The following KIF3B variants were observed in gnomAD, a reference collection of about 807,000 sequenced individuals.
The protein encoded by KIF3B is kinesin-like protein KIF3B.
In KIF3B, 38 loss-of-function variants were observed where a neutral mutation model predicts 74.3. The observed-to-expected ratio is 0.51, with a 90% CI of 0.39 to 0.67. The LOEUF (loss-of-function observed/expected upper bound fraction) is 0.67. Ranked by LOEUF, KIF3B falls within the 30% of genes least tolerant of loss-of-function variation. KIF3B has a pLI of 0.00. For missense variants in KIF3B, 649 were observed against 932.0 expected (o/e 0.70, Z 3.95); for synonymous variants, 326 against 342.5 (o/e 0.95, Z 0.53).
chr20:32,316,721 G>A, intron 4 of KIF3B, 35 bp from the exon 5 acceptor site: 2 of 1,613,522 alleles, frequency 1.2e-6, no homozygotes, highest in Non-Finnish European at 1.7e-6. Context: ...CCTTTGGACA[G>A]ACACCCTCCT....
chr20:32,282,249 G>A (rs1427648850), intron 1 of KIF3B, among the ~76,000 whole-genome samples: 2 of 152,056 alleles, frequency 1.3e-5, no homozygotes, highest in African/African-American at 2.4e-5. Context: ...GATGTGTTTC[G>A]GAGGTAGAAC....
At chr20:32,324,370 G>T (rs2047892481) in intron 5 of KIF3B, among the ~76,000 whole-genome samples, 1 of 152,146 alleles carries the variant, frequency 6.6e-6, no homozygotes, top group Non-Finnish European at 1.5e-5. Flanking sequence ...TACCTGAAGG[G>T]ATTGTTAAAC....
intron 1 of KIF3B, among the ~76,000 whole-genome samples, chr20:32,287,657 T>C (rs545257548): frequency 6.6e-6 from 1 of 152,260 alleles, no homozygotes; most frequent in South Asian, 2.1e-4. Flanking sequence ...TACATGTTAG[T>C]AGTTTAGTAG....
chr20:32,299,177 G>T (rs997554164), intron 1 of KIF3B, among the ~76,000 whole-genome samples: 34 of 151,604 alleles, frequency 2.2e-4, no homozygotes, highest in Admixed American at 1.8e-3. Flanking sequence ...AGTCCATATT[G>T]TCTCTATTGC....
In KIF3B at chr20:32,277,712, G is replaced by C. The variant is rs1479622359; in HGVS notation, c.-119G>C. On this transcript the variant is annotated 5_prime_UTR_variant, in exon 1 of 9. Coordinates refer to ENST00000375712, the MANE Select transcript of KIF3B (RefSeq NM_004798.4). ...GAGCCAGGGGTTCGCCGCCCCCGCC[G>C]CCGCCGCCGCCGCCGCCGCCGCCGC... The C allele has an allele frequency of 3.1e-5, 8 of 255,396 alleles. No homozygotes were observed. Among genetic ancestry groups the C allele is most frequent in the South Asian group, 1.2e-4 (1 of 8,006 alleles). The allele number at this position is 255,396 out of a possible 1,614,324, so 15.8% of individuals were successfully genotyped here. A position where few individuals can be genotyped will look rare whatever the true frequency, so the allele number is the denominator to read the frequency against.
chr20:32,299,016 A>G (rs569464889), intron 1 of KIF3B, among the ~76,000 whole-genome samples: 1 of 152,108 alleles, frequency 6.6e-6, no homozygotes, highest in Non-Finnish European at 1.5e-5. Flanking sequence ...TGAGCACCGT[A>G]TTTTTTTGTA....
chr20:32,304,698 A>C (rs1347377817), intron 1 of KIF3B, among the ~76,000 whole-genome samples: 1 of 152,132 alleles, frequency 6.6e-6, no homozygotes, highest in East Asian at 1.9e-4. Flanking sequence ...GGAGAGGATA[A>C]ATGTGTATTA....
At position 32,326,900 on chromosome 20, in the gene KIF3B, C is replaced by A; in HGVS notation, c.1862+16C>A. 1 of 1,210,322 alleles carries A rather than the reference C, an allele frequency of 8.3e-7. No individual in the cohort carries two copies. Among genetic ancestry groups the A allele is most frequent in the Non-Finnish European group, 1.2e-6 (1 of 833,568 alleles). The allele number at this position is 1,210,322 out of a possible 1,614,324, so 75.0% of individuals were successfully genotyped here. ...CCAGACTGGAGTAAGTCACTATTAA[C>A]TTCAAGTATATTTTCAAGTATGAGG... On this transcript the variant is annotated intron_variant, in intron 6 of 8. Coordinates refer to ENST00000375712, the MANE Select transcript of KIF3B (RefSeq NM_004798.4).
chr20:32,316,842 T>G lies in KIF3B; in HGVS notation c.1716T>G (p.Thr572=). 1 of 1,613,834 alleles carries G rather than the reference T, an allele frequency of 6.2e-7. No individual in the cohort carries two copies. The highest frequency in any genetic ancestry group is 8.5e-7 in the Non-Finnish European group (1 of 1,179,886). The change falls in exon 5 of 9, where the codon ACT becomes ACG. Residue 572 remains threonine (T), a synonymous_variant. Transcript: ENST00000375712. ...AGGAGCGCCAAGAGCTAGAGCAGAC[T>G]CAGAATGAGCTCACCAGGGAGCTGA... ...HIKERQELEQ[T]QNELTRELKL...
intron 5 of KIF3B, among the ~76,000 whole-genome samples, chr20:32,322,650 TTTTATATA>T (rs1233531314): frequency 9.8e-5 from 8 of 81,694 alleles, no homozygotes; most frequent in Non-Finnish European, 1.2e-4. Context: ...ATATATATAT[TTTTATATA>T]TTTATATATA....
At chr20:32,290,608 C>T (rs1483598614) in intron 1 of KIF3B, among the ~76,000 whole-genome samples, 2 of 152,114 alleles carry the variant, frequency 1.3e-5, no homozygotes, top group Non-Finnish European at 2.9e-5. Context: ...CGATGGCTCA[C>T]GCCTGTAATC....
Position 32,316,869 on chromosome 20 carries a change from A to G in KIF3B, c.1743A>G (p.Lys581=), listed in dbSNP as rs2047830297. Residue 581 remains lysine (K), a synonymous_variant, in exon 5 of 9, where the codon AAA becomes AAG. Coordinates refer to ENST00000375712, the MANE Select transcript of KIF3B (RefSeq NM_004798.4). ...AGAATGAGCTCACCAGGGAGCTGAA[A>G]CTCAAGTAAGTGCCAGGCCTTCCAT... ...QTQNELTREL[K]LKHLIIENFI... 1.9e-6 allele frequency: 3 copies of G among 1,609,128 alleles called. No homozygotes were observed. The highest frequency in any genetic ancestry group is 2.6e-6 in the Non-Finnish European group (3 of 1,175,684).
At chr20:32,299,042 CTG>C (rs2047729410) in intron 1 of KIF3B, among the ~76,000 whole-genome samples, 11 of 152,066 alleles carry the variant, frequency 7.2e-5, no homozygotes, top group Admixed American at 7.2e-4. Context: ...CTAATCGTAA[CTG>C]TCACTCTGCA....
At chr20:32,294,809 C>T (rs1325100306) in intron 1 of KIF3B, among the ~76,000 whole-genome samples, 1 of 152,224 alleles carries the variant, frequency 6.6e-6, no homozygotes, top group Non-Finnish European at 1.5e-5. Flanking sequence ...TCTGCATCTG[C>T]ACATGTGCCT....
rs1388483864 is a variant in KIF3B, at chr20:32,333,142, A to G, written c.*1823A>G. 1 of 152,132 alleles carries G rather than the reference A, an allele frequency of 6.6e-6. No individual in the cohort carries two copies. The highest frequency in any genetic ancestry group is 6.6e-5 in the Admixed American group (1 of 15,240). The allele number at this position is 152,132 out of a possible 1,614,324, so 9.4% of individuals were successfully genotyped here. A position where few individuals can be genotyped will look rare whatever the true frequency, so the allele number is the denominator to read the frequency against. On this transcript the variant is annotated 3_prime_UTR_variant, in exon 9 of 9. Transcript: ENST00000375712. Reference sequence around the variant, plus strand: ...CCAGGGCCCTTTTCAGCCTTCCCTCATATTTTCTTGAGATCAAACTTTACT... The same window carrying G: ...CCAGGGCCCTTTTCAGCCTTCCCTCGTATTTTCTTGAGATCAAACTTTACT...
chr20:32,311,091 G>A lies in KIF3B; in HGVS notation c.1314G>A (p.Glu438=). The A allele has an allele frequency of 6.2e-7, 1 of 1,613,918 alleles. No individual in the cohort carries two copies. Among genetic ancestry groups the A allele is most frequent in the Non-Finnish European group, 8.5e-7 (1 of 1,179,978 alleles). Residue 438 remains glutamate (E), a synonymous_variant, in exon 2 of 9, where the codon GAG becomes GAA. Coordinates refer to ENST00000375712, the MANE Select transcript of KIF3B (RefSeq NM_004798.4). ...AGGATCACAGCTTGGTTGCAGAGGA[G>A]AAGATGAGGCTGCTGAAGGAGAAAG... ...IVEDHSLVAE[E]KMRLLKEKEK...
intron 5 of KIF3B, among the ~76,000 whole-genome samples, chr20:32,321,683 T>A (rs1173632603): frequency 2.0e-5 from 3 of 152,186 alleles, no homozygotes; most frequent in Non-Finnish European, 2.9e-5. Context: ...TGCACTCTGC[T>A]TTGTTATAAT....
chr20:32,330,350 AG>A, intron 8 of KIF3B, 31 bp downstream of exon 8: 1 of 1,598,062 alleles, frequency 6.3e-7, no homozygotes. Flanking sequence ...GTGTTTAAAC[AG>A]AACATGTTTG....
chr20:32,302,410 G>A (rs2047748524), intron 1 of KIF3B, among the ~76,000 whole-genome samples: 1 of 152,198 alleles, frequency 6.6e-6, no homozygotes, highest in African/African-American at 2.4e-5. Context: ...TAAGATTAAT[G>A]TAGGTCATTA....
Sources: gnomAD v4.1 joint callset for allele counts (sites outside exome capture counted in the v4.1 genomes callset) on GRCh38, gnomAD v4.1.1 for gene constraint, MANE v1.5 for transcripts, NCBI Gene and HGNC (gene_info 2026-07-23, HGNC 2026-07-21) for gene names.